CALN1: variants seen among roughly 807,000 people sequenced by gnomAD.
CALN1 encodes calneuron 1.
A neutral mutation model predicts 30.6 loss-of-function variants in CALN1; 17 were observed. The observed-to-expected ratio is 0.56, with a 90% CI of 0.38 to 0.83. The LOEUF is 0.83. CALN1 is among the 40% of genes least tolerant of loss of function. The pLI is 0.00. For synonymous variants in CALN1, 156 were observed against 131.4 expected (o/e 1.19, Z -1.28); for missense variants, 291 against 354.9 (o/e 0.82, Z 1.45).
At chr7:72,408,627 T>C (rs995733180) in intron 1 of CALN1, among the ~76,000 whole-genome samples, 12 of 151,642 alleles carry the variant, frequency 7.9e-5, no homozygotes, top group African/African-American at 2.4e-4. Context: ...AAGGATTGCA[T>C]GGTGGTCATG....
chr7:72,033,284 A>T (rs991960347), intron 4 of CALN1, among the ~76,000 whole-genome samples: 13 of 152,290 alleles, frequency 8.5e-5, no homozygotes, highest in African/African-American at 1.2e-4. Context: ...AATAATCCTT[A>T]AAAAAATCAC....
At chr7:72,336,626 A>T in intron 2 of CALN1, 1 of 923,134 alleles carries the variant, frequency 1.1e-6, no homozygotes, top group Non-Finnish European at 1.3e-6. Context: ...TGGACACCCT[A>T]GAGAGAAGCG....
intron 3 of CALN1, among the ~76,000 whole-genome samples, chr7:72,177,087 A>C (rs1373232413): frequency 6.6e-6 from 1 of 152,112 alleles, no homozygotes; most frequent in Non-Finnish European, 1.5e-5. Context: ...AGGAGGCGGG[A>C]TGCGTGGGTG....
At chr7:72,154,812 G>A (rs1300067305) in intron 3 of CALN1, among the ~76,000 whole-genome samples, 1 of 152,168 alleles carries the variant, frequency 6.6e-6, no homozygotes, top group African/African-American at 2.4e-5. Context: ...GGAGGCTGAA[G>A]AGAAAGGAGG....
chr7:72,110,794 G>C (rs1563067593), intron 3 of CALN1, among the ~76,000 whole-genome samples: 1 of 152,088 alleles, frequency 6.6e-6, no homozygotes, highest in Non-Finnish European at 1.5e-5. Context: ...AAGGAAATGG[G>C]TCTTGCAGTC....
intron 5 of CALN1, among the ~76,000 whole-genome samples, chr7:71,817,335 T>G (rs1381031251): frequency 6.6e-6 from 1 of 152,206 alleles, no homozygotes; most frequent in Non-Finnish European, 1.5e-5. Context: ...AGTTCTCCTT[T>G]GTACTTTTAT....
chr7:71,810,092 T>C (rs1787861435), intron 6 of CALN1, among the ~76,000 whole-genome samples: 1 of 151,808 alleles, frequency 6.6e-6, no homozygotes, highest in Non-Finnish European at 1.5e-5. Flanking sequence ...TCAGAGAGCC[T>C]TGAGAGAAAA....
At position 71,786,189 on chromosome 7, in the gene CALN1, C is replaced by T; in HGVS notation, c.*1586G>A. The T allele has an allele frequency of 6.6e-6, 1 of 152,212 alleles. No homozygotes were observed. The highest frequency in any genetic ancestry group is 2.1e-4 in the South Asian group (1 of 4,822). 9.4% of individuals were successfully genotyped at this position (152,212 alleles called of 1,614,324 possible). ...AAGACAGGGAGGGAGATCAGGAACACACAACGCACCAAAAAATCCTACCCA... is the reference window on the plus strand; with the variant it reads ...AAGACAGGGAGGGAGATCAGGAACATACAACGCACCAAAAAATCCTACCCA... On this transcript the variant is annotated 3_prime_UTR_variant, in exon 7 of 7. Coordinates refer to ENST00000395275, the MANE Select transcript of CALN1 (RefSeq NM_031468.4).
At chr7:71,874,968 G>A (rs766526673) in intron 5 of CALN1, among the ~76,000 whole-genome samples, 14 of 151,878 alleles carry the variant, frequency 9.2e-5, no homozygotes, top group African/African-American at 3.1e-4. Flanking sequence ...AGTTCAAGAC[G>A]AGCCTGGCCA....
chr7:72,295,053 C>G (rs1444276595), intron 2 of CALN1, among the ~76,000 whole-genome samples: 1 of 151,278 alleles, frequency 6.6e-6, no homozygotes, highest in Non-Finnish European at 1.5e-5. Context: ...AAAGTCAATA[C>G]TTTCAGTGTA....
chr7:72,244,562 C>CT (rs372526828), intron 3 of CALN1, among the ~76,000 whole-genome samples: 11,558 of 143,206 alleles, frequency 0.081, 937 homozygotes, highest in African/African-American at 0.21. Flanking sequence ...GAATGAATTC[C>CT]TTTTTTTTTT....
Position 72,221,814 on chromosome 7 carries a change from G to A in CALN1, c.244+56872C>T, listed in dbSNP as rs537402473. ...TTGAGGCAGAGAATTGCTTAAACCCGGGAGGCGGAGGTTGCAGTGAGCTGA... is the reference window on the plus strand; with the variant it reads ...TTGAGGCAGAGAATTGCTTAAACCCAGGAGGCGGAGGTTGCAGTGAGCTGA... On this transcript the variant is annotated intron_variant, in intron 3 of 6. Transcript: ENST00000395275. Among the ~76,000 whole-genome samples the A allele has an allele frequency of 1.4e-4, 22 of 152,062 alleles. No individual in the cohort carries two copies. The South Asian group carries it at 1.5e-3, about 10-fold the overall frequency.
chr7:71,817,604 C>T (rs1458277501), intron 5 of CALN1, among the ~76,000 whole-genome samples: 5 of 152,222 alleles, frequency 3.3e-5, no homozygotes, highest in Admixed American at 2.0e-4. Context: ...CAATCTCTGC[C>T]TCCCAGGTTC....
In CALN1 at chr7:72,333,759, C is replaced by T. The variant is rs140077314; in HGVS notation, c.120-54949G>A. 2.0e-3 allele frequency among the ~76,000 whole-genome samples: 300 copies of T among 151,852 alleles called. 1 individual carries two copies. The highest frequency in any genetic ancestry group is 6.5e-3 in the African/African-American group (268 of 41,362). ...CTGGGCTCAAACCAGTACAGGCACA[C>T]GTGACAAAGAAAGGGTTTTGCTGTG... is the stretch of plus-strand genomic sequence containing the variant. On this transcript the variant is annotated intron_variant, in intron 2 of 6. Coordinates refer to ENST00000395275, the MANE Select transcript of CALN1 (RefSeq NM_031468.4).
chr7:72,126,050 C>T (rs1442714333), intron 3 of CALN1, among the ~76,000 whole-genome samples: 1 of 152,152 alleles, frequency 6.6e-6, no homozygotes, highest in African/African-American at 2.4e-5. Flanking sequence ...CCGCCCACCT[C>T]GGCCTCCCAA....
intron 2 of CALN1, among the ~76,000 whole-genome samples, chr7:72,396,592 T>A (rs750600834): frequency 6.6e-6 from 1 of 152,154 alleles, no homozygotes; most frequent in Non-Finnish European, 1.5e-5. Flanking sequence ...ATGTGGCAAG[T>A]GGTCCTTGGA....
At chr7:71,922,566 TAA>T (rs1340620399) in intron 5 of CALN1, among the ~76,000 whole-genome samples, 2 of 135,912 alleles carry the variant, frequency 1.5e-5, no homozygotes, top group African/African-American at 5.5e-5. Context: ...AGATTATATA[TAA>T]ATATATAACA....
rs576153922 is a variant in CALN1 at position 71,875,952 on chromosome 7, C to A, written c.502-65460G>T. Among the ~76,000 whole-genome samples, 4 of 152,238 alleles carry A rather than the reference C, an allele frequency of 2.6e-5. No individual in the cohort carries two copies. The South Asian group carries it at 8.3e-4, about 32-fold the overall frequency. On this transcript the variant is annotated intron_variant, in intron 5 of 6. Transcript: ENST00000395275. ...CCTGACCATGAGCACAAGTTCAAGG[C>A]CAGCAGTCAAGAGGAGACCTCACCC...
At chr7:72,121,723 T>C (rs1207862397) in intron 3 of CALN1, among the ~76,000 whole-genome samples, 1 of 148,712 alleles carries the variant, frequency 6.7e-6, no homozygotes, top group Non-Finnish European at 1.5e-5. Flanking sequence ...CAAATGTTTA[T>C]TATAATAAAA....
Sources: gnomAD v4.1 joint callset for allele counts (sites outside exome capture counted in the v4.1 genomes callset) on GRCh38, gnomAD v4.1.1 for gene constraint, MANE v1.5 for transcripts, NCBI Gene and HGNC (gene_info 2026-07-23, HGNC 2026-07-21) for gene names.